Variants in GPAM observed in about 807,000 individuals in gnomAD.
The protein encoded by GPAM is glycerol-3-phosphate acyltransferase, mitochondrial.
A neutral mutation model predicts 105.0 loss-of-function variants in GPAM; 56 were observed. The observed-to-expected ratio is 0.53, with a 90% CI of 0.43 to 0.67. The LOEUF (loss-of-function observed/expected upper bound fraction) is 0.67. Ranked by LOEUF, GPAM falls within the 30% of genes least tolerant of loss-of-function variation. The pLI, the probability that GPAM is intolerant of heterozygous loss-of-function variation, is 0.00. For synonymous variants in GPAM, 368 were observed against 354.4 expected (o/e 1.04, Z -0.43); for missense variants, 855 against 989.8 (o/e 0.86, Z 1.83).
At chr10:112,160,152 A>T in intron 16 of GPAM, 99 bp from the exon 17 acceptor site, 1 of 1,185,572 alleles carries the variant, frequency 8.4e-7, no homozygotes, top group Non-Finnish European at 1.2e-6. Context: ...ATACATCAAA[A>T]ATAATGGCCT....
chr10:112,209,419 G>A (rs758583730), intron 1 of GPAM, among the ~76,000 whole-genome samples: 4 of 152,048 alleles, frequency 2.6e-5, no homozygotes, highest in Non-Finnish European at 2.9e-5. Flanking sequence ...GGCTCAGCCT[G>A]AGCATCAGCC....
In GPAM at chr10:112,178,028, A is replaced by G. The variant is rs763277535; in HGVS notation, c.255T>C (p.Ser85=). The G allele has an allele frequency of 3.1e-6, 5 of 1,601,020 alleles. No homozygotes were observed. The highest frequency in any genetic ancestry group is 1.7e-4 in the Middle Eastern group (1 of 5,936). ...TATAAATAACATTCCGCAAACCCAAAGACGGGATACTGGGGTTGAAAAATT... is the reference window on the plus strand; with the variant it reads ...TATAAATAACATTCCGCAAACCCAAGGACGGGATACTGGGGTTGAAAAATT... The part of the protein sequence containing the change: ...WDKFFNPSIP[S]LGLRNVIYIN... The change falls in exon 5 of 22, where the codon TCT becomes TCC. Residue 85 remains serine (S), a synonymous_variant. Coordinates refer to ENST00000348367, the MANE Select transcript of GPAM (RefSeq NM_001244949.2).
chr10:112,204,299 A>G (rs1412866413), intron 1 of GPAM, among the ~76,000 whole-genome samples: 1 of 142,526 alleles, frequency 7.0e-6, no homozygotes, highest in Non-Finnish European at 1.5e-5. Flanking sequence ...CCTTTCAAGG[A>G]TGGCCCAACT....
upstream of GPAM, among the ~76,000 whole-genome samples, chr10:112,216,306 T>G (rs1847967212): frequency 6.6e-6 from 1 of 152,208 alleles, no homozygotes; most frequent in Admixed American, 6.5e-5. Context: ...CTGGGGGCAC[T>G]GAGGTGAGCC....
At chr10:112,199,615 A>T (rs946159350) in intron 1 of GPAM, among the ~76,000 whole-genome samples, 1 of 152,222 alleles carries the variant, frequency 6.6e-6, no homozygotes, top group African/African-American at 2.4e-5. Flanking sequence ...CACAATGTAC[A>T]TGTGTTAGTC....
upstream of GPAM, among the ~76,000 whole-genome samples, chr10:112,219,092 A>G (rs12415159): frequency 0.19 from 28,726 of 152,152 alleles, 3,045 homozygotes; most frequent in East Asian, 0.32. Flanking sequence ...CCCCTATTCA[A>G]GATGGAGTCA....
At chr10:112,187,286 A>G (rs920047302), upstream of GPAM, among the ~76,000 whole-genome samples, 1 of 152,202 alleles carries the variant, frequency 6.6e-6, no homozygotes, top group African/African-American at 2.4e-5. Flanking sequence ...GTCAGACTGG[A>G]AAAAAAATGA....
the GPAM span, among the ~76,000 whole-genome samples, chr10:112,224,748 A>G: frequency 1.3e-5 from 2 of 152,126 alleles, no homozygotes; most frequent in African/African-American, 4.8e-5. Flanking sequence ...TTCTGCCCCT[A>G]AGAATCCAAA....
At chr10:112,206,877 A>C (rs530640080) in intron 1 of GPAM, among the ~76,000 whole-genome samples, 1 of 151,794 alleles carries the variant, frequency 6.6e-6, no homozygotes, top group South Asian at 2.1e-4. Flanking sequence ...TATCTTCTTC[A>C]CTCTACCTCC....
At chr10:112,165,967 A>T (rs1319117712) in intron 12 of GPAM, among the ~76,000 whole-genome samples, 1 of 152,114 alleles carries the variant, frequency 6.6e-6, no homozygotes, top group Non-Finnish European at 1.5e-5. Context: ...AATCAGGGTA[A>T]TTGGGATAAC....
At chr10:112,180,407 C>T (rs1847486370) in intron 4 of GPAM, 66 bp downstream of exon 4, 2 of 1,491,608 alleles carry the variant, frequency 1.3e-6, no homozygotes, top group South Asian at 2.3e-5. Context: ...ATAAGACTGC[C>T]TACTACAAAG....
chr10:112,154,483 C>A, intron 21 of GPAM, 146 bp downstream of exon 21: 1 of 686,374 alleles, frequency 1.5e-6, no homozygotes, highest in Non-Finnish European at 2.7e-6. Flanking sequence ...TCCTACATGC[C>A]CCGTTCCCAA....
At chr10:112,212,372 C>T (rs946127787) in intron 1 of GPAM, among the ~76,000 whole-genome samples, 2 of 152,150 alleles carry the variant, frequency 1.3e-5, no homozygotes, top group Non-Finnish European at 2.9e-5. Flanking sequence ...ACACCATTCT[C>T]CTGCCTCAGC....
rs12569865 is a variant in GPAM, at chr10:112,199,783, A to G, written n.210+15385T>C. Among the ~76,000 whole-genome samples the G allele has an allele frequency of 1.2e-4, 18 of 152,174 alleles. No homozygotes were observed. The East Asian group carries it at 3.5e-3, about 30-fold the overall frequency. ...GCAGGCAAGAGAGCTTGTGCAGGGG[A>G]ACTCCCATTTATAAAACTATCAGAT... On this transcript the variant is annotated intron_variant and non_coding_transcript_variant, in intron 1 of 3. Coordinates refer to the GPAM transcript ENST00000480130.
intron 1 of GPAM, among the ~76,000 whole-genome samples, chr10:112,195,118 A>G (rs376946859): frequency 3.3e-5 from 5 of 152,192 alleles, no homozygotes; most frequent in South Asian, 4.2e-4. Context: ...GAGCATTTGA[A>G]AATGCAGCGT....
At chr10:112,166,318 G>C in intron 12 of GPAM, 84 bp downstream of exon 12, 2 of 792,392 alleles carry the variant, frequency 2.5e-6, no homozygotes, top group East Asian at 2.5e-5. Flanking sequence ...AAGTCACACA[G>C]AGAGGTGCTG....
chr10:112,173,194 C>T, intron 7 of GPAM, 128 bp from the exon 8 acceptor site: 1 of 706,988 alleles, frequency 1.4e-6, no homozygotes, highest in Non-Finnish European at 2.6e-6. Flanking sequence ...TTGTAAATGA[C>T]TTAGTGTGTG....
Position 112,168,341 on chromosome 10 carries a change from T to A in GPAM, c.1078A>T (p.Ile360Phe). The A allele has an allele frequency of 6.2e-7, 1 of 1,607,518 alleles. No individual in the cohort carries two copies. Among genetic ancestry groups the A allele is most frequent in the Non-Finnish European group, 8.5e-7 (1 of 1,173,928 alleles). ...IPVGISYDRI[I>F]EGHYNGEQLG... is the part of the protein sequence containing the mutation. ...TGTTCACCATTGTAGTGACCTTCGA[T>A]AATGCGATCATAGGAGATTCCAACA... The change falls in exon 11 of 22, where the codon ATC becomes TTC. Residue 360 changes from isoleucine (I) to phenylalanine (F), a missense_variant. By Grantham distance (21) the Ile-to-Phe change is conservative (BLOSUM62 0). Coordinates refer to ENST00000348367, the MANE Select transcript of GPAM (RefSeq NM_001244949.2).
intron 5 of GPAM, among the ~76,000 whole-genome samples, chr10:112,176,918 C>T (rs1024299621): frequency 6.6e-6 from 1 of 152,094 alleles, no homozygotes; most frequent in Non-Finnish European, 1.5e-5. Context: ...ATAGCAAATG[C>T]GATTTTCCTT....
Sources: gnomAD v4.1 joint callset for allele counts (sites outside exome capture counted in the v4.1 genomes callset) on GRCh38, gnomAD v4.1.1 for gene constraint, MANE v1.5 for transcripts, NCBI Gene and HGNC (gene_info 2026-07-23, HGNC 2026-07-21) for gene names.